The following ARHGAP42 variants were observed in gnomAD, a reference collection of about 807,000 sequenced individuals.
ARHGAP42 encodes the protein Rho GTPase activating protein 42, also known as rho GTPase-activating protein 42.
Under a neutral mutation model 125.0 loss-of-function variants are expected in ARHGAP42, and 63 were observed. That is an observed-to-expected ratio of 0.50 (90% confidence interval 0.41 to 0.62). The LOEUF is 0.62. Ranked by LOEUF, ARHGAP42 falls within the 20% of genes least tolerant of loss-of-function variation. ARHGAP42 has a pLI of 0.00. For synonymous variants in ARHGAP42, 339 were observed against 351.0 expected (o/e 0.97, Z 0.38); for missense variants, 766 against 1,024.2 (o/e 0.75, Z 3.44).
intron 4 of ARHGAP42, among the ~76,000 whole-genome samples, chr11:100,897,840 C>T (rs1455021047): frequency 6.6e-6 from 1 of 152,156 alleles, no homozygotes; most frequent in Non-Finnish European, 1.5e-5. Flanking sequence ...ATTTCTTTCT[C>T]TTGCCTGATT....
chr11:100,944,090 G>A (rs752169516), intron 10 of ARHGAP42, among the ~76,000 whole-genome samples: 8 of 152,028 alleles, frequency 5.3e-5, no homozygotes, highest in Non-Finnish European at 1.0e-4. Context: ...AGCAGAATCT[G>A]AAAAATCAAT....
chr11:100,762,448 T>C (rs1409554894), intron 1 of ARHGAP42, among the ~76,000 whole-genome samples: 2 of 152,196 alleles, frequency 1.3e-5, no homozygotes, highest in Non-Finnish European at 2.9e-5. Flanking sequence ...TCTCAAGGCC[T>C]TCAAGGAAAG....
chr11:100,982,249 C>G (rs1223060539), intron 22 of ARHGAP42, among the ~76,000 whole-genome samples: 1 of 152,102 alleles, frequency 6.6e-6, no homozygotes, highest in Non-Finnish European at 1.5e-5. Context: ...GGTTTTAACT[C>G]CTAAGACATC....
intron 3 of ARHGAP42, among the ~76,000 whole-genome samples, chr11:100,842,129 A>G (rs1333510918): frequency 6.6e-6 from 1 of 152,162 alleles, no homozygotes; most frequent in African/African-American, 2.4e-5. Flanking sequence ...TTTGTGAACA[A>G]TTTTAAGTTC....
intron 1 of ARHGAP42, among the ~76,000 whole-genome samples, chr11:100,729,269 A>G (rs1043214367): frequency 6.6e-6 from 1 of 152,074 alleles, no homozygotes; most frequent in South Asian, 2.1e-4. Flanking sequence ...CTGAGTAGAT[A>G]TAAACCCTGA....
intron 5 of ARHGAP42, among the ~76,000 whole-genome samples, chr11:100,918,596 T>G (rs1867143866): frequency 6.6e-6 from 1 of 152,240 alleles, no homozygotes; most frequent in Admixed American, 6.5e-5. Flanking sequence ...AGTGGATTTA[T>G]AAGCAAGTGT....
chr11:100,887,599 C>A (rs973059108), intron 4 of ARHGAP42, among the ~76,000 whole-genome samples: 1 of 152,212 alleles, frequency 6.6e-6, no homozygotes, highest in Non-Finnish European at 1.5e-5. Flanking sequence ...AAGATGTGAG[C>A]TATCATGCAG....
chr11:100,818,625 A>G (rs779019380), intron 3 of ARHGAP42, among the ~76,000 whole-genome samples: 3 of 151,884 alleles, frequency 2.0e-5, no homozygotes, highest in Non-Finnish European at 4.4e-5. Context: ...TGAATATTGG[A>G]GAATATATTT....
At chr11:100,700,012 C>G (rs1861370309) in intron 1 of ARHGAP42, among the ~76,000 whole-genome samples, 1 of 152,068 alleles carries the variant, frequency 6.6e-6, no homozygotes, top group Non-Finnish European at 1.5e-5. Flanking sequence ...ATGTCATTCT[C>G]CCTATGTGTC....
At chr11:100,865,489 T>C in intron 4 of ARHGAP42, among the ~76,000 whole-genome samples, 1 of 152,122 alleles carries the variant, frequency 6.6e-6, no homozygotes, top group Admixed American at 6.5e-5. Context: ...AAATGAAAAT[T>C]GAGAAAACAA....
Position 100,989,104 on chromosome 11 carries a change from G to C in ARHGAP42, c.*303G>C, listed in dbSNP as rs1297135156. On this transcript the variant is annotated 3_prime_UTR_variant, in exon 24 of 24. Coordinates refer to ENST00000298815, the MANE Select transcript of ARHGAP42 (RefSeq NM_152432.4). Reference sequence around the variant, plus strand: ...GCAATTGTAGAGTTTCAAATACTGTGTTAAATACTGTATCCCAGAAATTTG... The same window carrying C: ...GCAATTGTAGAGTTTCAAATACTGTCTTAAATACTGTATCCCAGAAATTTG... 8 of 411,620 alleles carry C rather than the reference G, an allele frequency of 1.9e-5. No individual in the cohort carries two copies. The highest frequency in any genetic ancestry group is 2.6e-5 in the Non-Finnish European group (6 of 232,950). 25.5% of individuals were successfully genotyped at this position (411,620 alleles called of 1,614,324 possible). A position where few individuals can be genotyped will look rare whatever the true frequency, so the allele number is the denominator to read the frequency against.
intron 6 of ARHGAP42, among the ~76,000 whole-genome samples, chr11:100,931,955 A>G (rs1330671712): frequency 1.3e-5 from 2 of 152,188 alleles, no homozygotes; most frequent in African/African-American, 4.8e-5. Flanking sequence ...AAATAATTAT[A>G]AAAGGGCAAA....
At chr11:100,874,208 T>A (rs556289938) in intron 4 of ARHGAP42, among the ~76,000 whole-genome samples, 1 of 152,142 alleles carries the variant, frequency 6.6e-6, no homozygotes, top group African/African-American at 2.4e-5. Context: ...TCTTACCTTA[T>A]AACAACCTGC....
At chr11:100,896,943 G>T (rs58708861) in intron 4 of ARHGAP42, among the ~76,000 whole-genome samples, 5,926 of 152,156 alleles carry the variant, frequency 0.039, 290 homozygotes, top group African/African-American at 0.12. Context: ...GTATTGCCTA[G>T]GTTTTCTTCT....
chr11:100,953,531 G>C (rs547797963), intron 12 of ARHGAP42, among the ~76,000 whole-genome samples: 8 of 152,278 alleles, frequency 5.3e-5, no homozygotes, highest in African/African-American at 1.4e-4. Flanking sequence ...GCCATAGTAT[G>C]AATTTACAGA....
intron 4 of ARHGAP42, among the ~76,000 whole-genome samples, chr11:100,872,732 C>G (rs61890815): frequency 0.071 from 10,773 of 152,176 alleles, 540 homozygotes; most frequent in East Asian, 0.25. Context: ...GCCCTTCTAC[C>G]TCATTCTCCT....
chr11:100,976,052 C>T lies in ARHGAP42; in HGVS notation c.1856-5C>T. 1 of 1,506,168 alleles carries T rather than the reference C, an allele frequency of 6.6e-7. No homozygotes were observed. Among genetic ancestry groups the T allele is most frequent in the Non-Finnish European group, 8.9e-7 (1 of 1,125,612 alleles). 93.3% of individuals were successfully genotyped at this position (1,506,168 alleles called of 1,614,324 possible). On this transcript the variant is annotated splice_region_variant and splice_polypyrimidine_tract_variant and intron_variant, in intron 19 of 23. Coordinates refer to ENST00000298815, the MANE Select transcript of ARHGAP42 (RefSeq NM_152432.4). ...GCTTTCATCTCTCTCCCTCCTACTC[C>T]TTAGGTGACTCCTATAGCAGCAGCC...
chr11:100,866,044 T>C (rs1233516583), intron 4 of ARHGAP42, among the ~76,000 whole-genome samples: 1 of 152,240 alleles, frequency 6.6e-6, no homozygotes, highest in Non-Finnish European at 1.5e-5. Context: ...GTCAATTCCC[T>C]CAAACACTGC....
intron 4 of ARHGAP42, among the ~76,000 whole-genome samples, chr11:100,871,558 AAAAG>A (rs1248422023): frequency 1.3e-5 from 2 of 151,348 alleles, no homozygotes; most frequent in African/African-American, 2.4e-5. Context: ...AAAAAAAAAA[AAAAG>A]AAAAAAGAAA....
Sources: gnomAD v4.1 joint callset for allele counts (sites outside exome capture counted in the v4.1 genomes callset) on GRCh38, gnomAD v4.1.1 for gene constraint, MANE v1.5 for transcripts, NCBI Gene and HGNC (gene_info 2026-07-23, HGNC 2026-07-21) for gene names.